Variants in NXN observed in about 807,000 individuals in gnomAD.
NXN encodes nucleoredoxin, also known as nucleoredoxin 1.
Under a neutral mutation model 48.6 loss-of-function variants are expected in NXN, and 16 were observed. The observed-to-expected ratio is 0.33, with a 90% confidence interval of 0.22 to 0.50. NXN has a LOEUF of 0.50. Ranked by LOEUF, NXN falls within the 20% of genes least tolerant of loss-of-function variation. The probability of loss-of-function intolerance (pLI) is 0.98; values close to 1 mark genes in which losing one functional copy is unlikely to be tolerated. For synonymous variants in NXN, 281 were observed against 269.6 expected (o/e 1.04, Z -0.41); for missense variants, 492 against 605.5 (o/e 0.81, Z 1.97).
In NXN at chr17:896,606, C is replaced by T. The variant is rs1303571002; in HGVS notation, c.361-70528G>A. On this transcript the variant is annotated intron_variant, in intron 1 of 7. Coordinates refer to ENST00000336868, the MANE Select transcript of NXN (RefSeq NM_022463.5). ...CTTACCAGACGTTAACTATCGTCTTCGTGTTTCAACTTCGCTTTAAAGTAA... is the reference window on the plus strand; with the variant it reads ...CTTACCAGACGTTAACTATCGTCTTTGTGTTTCAACTTCGCTTTAAAGTAA... Among the ~76,000 whole-genome samples the T allele has an allele frequency of 3.9e-5, 6 of 152,324 alleles. No individual in the cohort carries two copies. In the East Asian group the frequency reaches 9.6e-4, roughly 24 times the overall value.
At chr17:885,763 C>T (rs1189279465) in intron 1 of NXN, among the ~76,000 whole-genome samples, 1 of 144,046 alleles carries the variant, frequency 6.9e-6, no homozygotes, top group Non-Finnish European at 1.5e-5. Flanking sequence ...TCACTGCAAG[C>T]TCTGCCTCCC....
chr17:967,832 C>T (rs2150636255), intron 1 of NXN, among the ~76,000 whole-genome samples: 2 of 152,234 alleles, frequency 1.3e-5, no homozygotes, highest in South Asian at 4.1e-4. Context: ...ATTAGCCAGG[C>T]ATGGTGGCGG....
At position 894,743 on chromosome 17, in the gene NXN, G is replaced by A. The variant is rs547957362; in HGVS notation, c.361-68665C>T. 4.6e-5 allele frequency among the ~76,000 whole-genome samples: 7 copies of A among 152,362 alleles called. No individual in the cohort carries two copies. In the South Asian group the frequency reaches 6.2e-4, roughly 14 times the overall value. ...CTCTGCCACTGGTGTCCGCAGGGAC[G>A]GGCGGAGACATGACGGAGGCGCCCC... On this transcript the variant is annotated intron_variant, in intron 1 of 7. Coordinates refer to ENST00000336868, the MANE Select transcript of NXN (RefSeq NM_022463.5).
intron 1 of NXN, among the ~76,000 whole-genome samples, chr17:882,909 C>CCCACCA (rs1241041968): frequency 6.6e-6 from 1 of 152,090 alleles, no homozygotes; most frequent in African/African-American, 2.4e-5. Flanking sequence ...ATTACAGGCG[C>CCCACCA]CCGCCACCAC....
intron 1 of NXN, among the ~76,000 whole-genome samples, chr17:954,104 G>A (rs56054114): frequency 0.04 from 6,039 of 152,192 alleles, 149 homozygotes; most frequent in Admixed American, 0.057. Flanking sequence ...CTGGCCAGGC[G>A]CCGTGGCTCA....
chr17:891,055 C>T (rs2144866781), intron 1 of NXN, among the ~76,000 whole-genome samples: 2 of 152,210 alleles, frequency 1.3e-5, no homozygotes, highest in Admixed American at 1.3e-4. Flanking sequence ...ATCTATCTAT[C>T]CGTCTGTCCA....
intron 1 of NXN, among the ~76,000 whole-genome samples, chr17:904,922 A>G (rs1872313083): frequency 6.6e-6 from 1 of 152,106 alleles, no homozygotes; most frequent in Non-Finnish European, 1.5e-5. Flanking sequence ...TCTGTATGAC[A>G]TGAAGGGTTT....
At chr17:859,580 T>C (rs904783663) in intron 1 of NXN, among the ~76,000 whole-genome samples, 1 of 152,082 alleles carries the variant, frequency 6.6e-6, no homozygotes, top group Admixed American at 6.6e-5. Flanking sequence ...AAACGCAAAC[T>C]ACTCAAATAC....
At chr17:916,877 AAC>A (rs1283975486) in intron 1 of NXN, among the ~76,000 whole-genome samples, 5 of 152,140 alleles carry the variant, frequency 3.3e-5, no homozygotes, top group African/African-American at 1.2e-4. Flanking sequence ...CGGCCTGGGC[AAC>A]AGAGAGAAAC....
intron 1 of NXN, chr17:842,604 A>T (rs1914394341): frequency 1.0e-6 from 1 of 981,440 alleles, no homozygotes; most frequent in Non-Finnish European, 1.2e-6. Context: ...TCCAGGAGTC[A>T]CTCCCCAGGC....
At chr17:804,320 T>C (rs1163093187) in intron 6 of NXN, among the ~76,000 whole-genome samples, 2 of 145,556 alleles carry the variant, frequency 1.4e-5, no homozygotes, top group African/African-American at 2.6e-5. Context: ...TCTCGCTCTG[T>C]TGCCCAGGCT....
chr17:815,759 G>A (rs576636402), intron 5 of NXN, among the ~76,000 whole-genome samples: 3 of 152,200 alleles, frequency 2.0e-5, no homozygotes, highest in South Asian at 2.1e-4. Context: ...AGATAAAAAC[G>A]TTCTTCTTGG....
intron 1 of NXN, chr17:959,199 C>T: frequency 9.7e-7 from 1 of 1,029,018 alleles, no homozygotes; most frequent in Non-Finnish European, 1.3e-6. Flanking sequence ...CCAGTTCAGC[C>T]AGTACGTGTG....
At chr17:839,643 TA>T (rs1174626931) in intron 1 of NXN, among the ~76,000 whole-genome samples, 2 of 148,068 alleles carry the variant, frequency 1.4e-5, no homozygotes, top group Admixed American at 6.8e-5. Flanking sequence ...ATCTCATCTC[TA>T]AAAAAAAATT....
chr17:869,784 G>A (rs931048668), intron 1 of NXN, among the ~76,000 whole-genome samples: 1 of 152,210 alleles, frequency 6.6e-6, no homozygotes, highest in African/African-American at 2.4e-5. Context: ...CGTGTTCCAC[G>A]GACAGTTAAC....
At chr17:910,341 G>A (rs2068623655) in intron 1 of NXN, among the ~76,000 whole-genome samples, 1 of 152,130 alleles carries the variant, frequency 6.6e-6, no homozygotes, top group South Asian at 2.1e-4. Flanking sequence ...GAACCCGGGA[G>A]GCGGAGGTTG....
intron 1 of NXN, chr17:897,078 G>A: frequency 9.4e-7 from 1 of 1,059,292 alleles, no homozygotes; most frequent in Non-Finnish European, 1.1e-6. Context: ...GACAGCCAGG[G>A]ACTGGTAACC....
intron 1 of NXN, among the ~76,000 whole-genome samples, chr17:903,257 G>A (rs954368156): frequency 2.6e-5 from 4 of 152,144 alleles, no homozygotes. Flanking sequence ...CCAGGCTGGA[G>A]TGCAGTGGTG....
At chr17:901,841 A>C (rs931000849) in intron 1 of NXN, among the ~76,000 whole-genome samples, 8 of 152,152 alleles carry the variant, frequency 5.3e-5, no homozygotes, top group African/African-American at 1.4e-4. Context: ...TTGGGATTAC[A>C]GGCACCCACC....
Sources: allele counts gnomAD v4.1 joint callset (sites outside exome capture counted in the v4.1 genomes callset), GRCh38; gene constraint gnomAD v4.1.1; transcripts MANE v1.5; gene names NCBI Gene and HGNC (gene_info 2026-07-23, HGNC 2026-07-21).